SLC25A30: variants seen among roughly 807,000 people sequenced by gnomAD.
SLC25A30 encodes kidney mitochondrial carrier protein 1.
In SLC25A30, 29 loss-of-function variants were observed where a neutral mutation model predicts 42.7. The ratio of observed to expected loss-of-function variants is 0.68; its 90% CI spans 0.51 to 0.93. The LOEUF is 0.93. Ranked by LOEUF, SLC25A30 falls within the 40% of genes least tolerant of loss-of-function variation. SLC25A30 has a pLI of 0.00. For missense variants in SLC25A30, 300 were observed against 359.7 expected (o/e 0.83, Z 1.34); for synonymous variants, 124 against 131.0 (o/e 0.95, Z 0.37).
chr13:45,422,950 T>A (rs1220118142), upstream of SLC25A30, among the ~76,000 whole-genome samples: 1 of 152,102 alleles, frequency 6.6e-6, no homozygotes, highest in Non-Finnish European at 1.5e-5. Context: ...AAAAACTGGG[T>A]GAAATGGGTG....
At chr13:45,424,608 A>AAT in the SLC25A30 span, among the ~76,000 whole-genome samples, 58 of 42,084 alleles carry the variant, frequency 1.4e-3, 1 homozygote, top group African/African-American at 1.6e-3. Flanking sequence ...AATATATATA[A>AAT]ATATATATAA....
intron 1 of SLC25A30, among the ~76,000 whole-genome samples, chr13:45,413,041 G>T (rs756806816): frequency 2.9e-4 from 44 of 152,270 alleles, no homozygotes; most frequent in Non-Finnish European, 5.9e-4. Context: ...AGTCACCACT[G>T]CCCAGAATAT....
At chr13:45,425,674 G>C in the SLC25A30 span, among the ~76,000 whole-genome samples, 1 of 58,818 alleles carries the variant, frequency 1.7e-5, no homozygotes, top group East Asian at 2.7e-4. Context: ...ATATATATAA[G>C]TATATATAAA....
At chr13:45,403,936 C>CA (rs34588071) in intron 5 of SLC25A30, among the ~76,000 whole-genome samples, 904 of 80,422 alleles carry the variant, frequency 0.011, 6 homozygotes, top group South Asian at 0.033. Flanking sequence ...GACTCCATCT[C>CA]AAAAAAAAAA....
chr13:45,429,112 T>C, the SLC25A30 span, among the ~76,000 whole-genome samples: 1 of 134,006 alleles, frequency 7.5e-6, no homozygotes, highest in Non-Finnish European at 1.5e-5. Context: ...TCTGTAACCC[T>C]GTCTGGAGTG....
the SLC25A30 span, among the ~76,000 whole-genome samples, chr13:45,427,838 G>A: frequency 2.0e-5 from 3 of 151,720 alleles, no homozygotes; most frequent in African/African-American, 7.3e-5. Flanking sequence ...CCGCCTCACA[G>A]GTTCAAGCGA....
At chr13:45,433,515 C>T in the SLC25A30 span, among the ~76,000 whole-genome samples, 1 of 152,180 alleles carries the variant, frequency 6.6e-6, no homozygotes, top group East Asian at 1.9e-4. Flanking sequence ...AGTTGTATTA[C>T]CCTGTGAGGG....
chr13:45,423,488 T>C, the SLC25A30 span, among the ~76,000 whole-genome samples: 3 of 139,524 alleles, frequency 2.2e-5, no homozygotes, highest in African/African-American at 5.4e-5. Flanking sequence ...TGTCTCGGTA[T>C]AGCCCCAGAA....
At chr13:45,431,691 G>T in the SLC25A30 span, among the ~76,000 whole-genome samples, 3 of 151,972 alleles carry the variant, frequency 2.0e-5, no homozygotes, top group Admixed American at 6.6e-5. Context: ...GCCAACGATT[G>T]CACACTTCTA....
chr13:45,425,455 T>C, the SLC25A30 span, among the ~76,000 whole-genome samples: 1 of 106,280 alleles, frequency 9.4e-6, no homozygotes, highest in Non-Finnish European at 1.8e-5. Flanking sequence ...AATATATAAG[T>C]GTATATATAA....
rs560984571 is a variant in SLC25A30, at chr13:45,408,154, A to T, written c.212+773T>A. On this transcript the variant is annotated intron_variant, in intron 3 of 9. Transcript: ENST00000519676. ...AGAAAGCAGATGCCATGAGTGAATG[A>T]TCCAGGCTGGGTCGAACTGCACACA... Among the ~76,000 whole-genome samples the T allele has an allele frequency of 5.9e-5, 9 of 152,320 alleles. No individual in the cohort carries two copies. The East Asian group carries it at 1.7e-3, about 29-fold the overall frequency.
chr13:45,400,014 T>TTTTATATATA (rs1555285504), intron 7 of SLC25A30, among the ~76,000 whole-genome samples: 1 of 88,824 alleles, frequency 1.1e-5, no homozygotes, highest in African/African-American at 4.3e-5. Context: ...TTATGTATGA[T>TTTTATATATA]TATATATATA....
chr13:45,406,973 A>G (rs1252201955), intron 3 of SLC25A30, among the ~76,000 whole-genome samples: 1 of 152,182 alleles, frequency 6.6e-6, no homozygotes, highest in Non-Finnish European at 1.5e-5. Context: ...ACTGCCATCT[A>G]AAGGCTGGCC....
the SLC25A30 span, among the ~76,000 whole-genome samples, chr13:45,425,907 G>A: frequency 6.8e-6 from 1 of 147,142 alleles, no homozygotes. Context: ...TGGCCAGGCT[G>A]GTCTTGAACT....
chr13:45,426,874 A>C, the SLC25A30 span, among the ~76,000 whole-genome samples: 3 of 152,284 alleles, frequency 2.0e-5, no homozygotes, highest in Non-Finnish European at 4.4e-5. Flanking sequence ...TTTCTTTACT[A>C]TTAAACTTCG....
chr13:45,397,463 C>T (rs1166586753), intron 8 of SLC25A30, 125 bp from the exon 9 acceptor site: 17 of 629,702 alleles, frequency 2.7e-5, no homozygotes, highest in Middle Eastern at 4.4e-4. Flanking sequence ...GAGGCCGAGG[C>T]GGGTGGATCA....
At chr13:45,424,590 T>TGTATAAATATATAAATATATATAA in the SLC25A30 span, among the ~76,000 whole-genome samples, 5 of 54,326 alleles carry the variant, frequency 9.2e-5, 1 homozygote, top group Admixed American at 1.7e-3. Context: ...TATATATAAA[T>TGTATAAATATATAAATATATATAA]ATATATAAAT....
At chr13:45,432,282 A>C in the SLC25A30 span, among the ~76,000 whole-genome samples, 7 of 152,168 alleles carry the variant, frequency 4.6e-5, 1 homozygote, top group East Asian at 7.7e-4. Flanking sequence ...AAAAAAAAAA[A>C]AAACAGTGTT....
chr13:45,417,621 G>C (rs188025785), intron 1 of SLC25A30, among the ~76,000 whole-genome samples: 4 of 152,128 alleles, frequency 2.6e-5, no homozygotes, highest in Non-Finnish European at 4.4e-5. Context: ...GCTTCGCAAC[G>C]GCAAAGCCAA....
Sources: gnomAD v4.1 joint callset for allele counts (sites outside exome capture counted in the v4.1 genomes callset) on GRCh38, gnomAD v4.1.1 for gene constraint, MANE v1.5 for transcripts, NCBI Gene and HGNC (gene_info 2026-07-23, HGNC 2026-07-21) for gene names.